Variants in SHPRH observed in about 807,000 individuals in gnomAD.
The protein encoded by SHPRH is E3 ubiquitin-protein ligase SHPRH.
In SHPRH, 106 loss-of-function variants were observed where a neutral mutation model predicts 202.5. The ratio of observed to expected loss-of-function variants is 0.52; its 90% CI spans 0.45 to 0.62. The LOEUF (loss-of-function observed/expected upper bound fraction) is 0.62, where lower values mean the gene tolerates loss of function less well. SHPRH is among the 20% of genes least tolerant of loss of function. SHPRH has a pLI of 0.00. For missense variants in SHPRH, 1,710 were observed against 2,020.0 expected, an observed-to-expected ratio of 0.85 and a Z score of 2.94; for synonymous variants, 729 against 686.0, an observed-to-expected ratio of 1.06 and a Z score of -0.98.
chr6:145,924,308 C>G (rs1784682405), intron 17 of SHPRH, among the ~76,000 whole-genome samples: 1 of 151,860 alleles, frequency 6.6e-6, no homozygotes, highest in Non-Finnish European at 1.5e-5. Flanking sequence ...TTTGTGTAAC[C>G]TCTTTAGATT....
intron 20 of SHPRH, among the ~76,000 whole-genome samples, chr6:145,921,598 A>T (rs1784435205): frequency 6.6e-6 from 1 of 151,848 alleles, no homozygotes; most frequent in Admixed American, 6.6e-5. Flanking sequence ...CTACTGATTC[A>T]TTTGCCATAA....
At chr6:145,937,036 G>A (rs1446306535) in intron 11 of SHPRH, among the ~76,000 whole-genome samples, 1 of 148,146 alleles carries the variant, frequency 6.8e-6, no homozygotes, top group Non-Finnish European at 1.5e-5. Context: ...CAGGCTGGAG[G>A]GCAACGGTGC....
In SHPRH at chr6:145,934,507, T is replaced by TA. The variant is rs1554239367; in HGVS notation, c.2990+399dup. Among the ~76,000 whole-genome samples, 7 of 150,220 alleles carry TA rather than the reference T, an allele frequency of 4.7e-5. No homozygotes were observed. In the East Asian group the frequency reaches 5.9e-4, roughly 13 times the overall value. The stretch of plus-strand genomic sequence containing the variant: ...TAAAATAAAATAAAATAAAATAAAA[T>TA]AAAAAGTAGCTGGCTGTAGCAGTGT... On this transcript the variant is annotated intron_variant, in intron 13 of 29. Coordinates refer to ENST00000275233, the MANE Select transcript of SHPRH (RefSeq NM_001042683.3).
chr6:145,884,794 A>G (rs879375911), downstream of SHPRH: 1 of 152,158 alleles, frequency 6.6e-6, no homozygotes, highest in African/African-American at 2.4e-5. Context: ...TCAGAAATCA[A>G]AGAATTCCAC....
intron 4 of SHPRH, among the ~76,000 whole-genome samples, chr6:145,949,208 G>A (rs1316597642): frequency 1.2e-4 from 18 of 151,840 alleles, no homozygotes; most frequent in Admixed American, 1.2e-3. Flanking sequence ...AACACTACTG[G>A]GTATCTACCC....
chr6:145,868,560 C>A (rs546982713), intron 2 of SHPRH, among the ~76,000 whole-genome samples: 1 of 152,060 alleles, frequency 6.6e-6, no homozygotes, highest in Non-Finnish European at 1.5e-5. Flanking sequence ...GTTTTCAGTC[C>A]GGCTAAGATG....
At chr6:145,875,265 C>T (rs950150435) in intron 2 of SHPRH, among the ~76,000 whole-genome samples, 2 of 152,156 alleles carry the variant, frequency 1.3e-5, no homozygotes, top group Non-Finnish European at 2.9e-5. Context: ...GTTGTCAAAG[C>T]TTGGGGGTGG....
chr6:145,941,943 T>G lies in SHPRH; in HGVS notation c.2239-69A>C. On this transcript the variant is annotated intron_variant, in intron 9 of 29. Coordinates refer to ENST00000275233, the MANE Select transcript of SHPRH (RefSeq NM_001042683.3). ...TAAAGGCAATGAAATATTCACTCAT[T>G]TATACCCTTACTAAGTCCTCTCTAT... The G allele has an allele frequency of 1.3e-6, 2 of 1,554,308 alleles. 1 individual carries two copies. The highest frequency in any genetic ancestry group is 2.4e-5 in the South Asian group (2 of 82,260).
intron 27 of SHPRH, 88 bp downstream of exon 27, chr6:145,894,062 G>A (rs1562291426): frequency 4.4e-6 from 4 of 904,386 alleles, no homozygotes; most frequent in Non-Finnish European, 6.5e-6. Context: ...TATATGGCAT[G>A]AGACAATAAA....
intron 21 of SHPRH, among the ~76,000 whole-genome samples, chr6:145,920,491 ACTAT>A (rs1270092042): frequency 1.3e-5 from 2 of 152,048 alleles, no homozygotes; most frequent in Admixed American, 6.6e-5. Context: ...AGTACAAATA[ACTAT>A]CTCTCTGCAT....
intron 11 of SHPRH, 31 bp from the exon 12 acceptor site, chr6:145,935,472 TAA>T: frequency 6.2e-7 from 1 of 1,606,696 alleles, no homozygotes. Flanking sequence ...ACATTGAGGA[TAA>T]CTCTATTACT....
At position 145,913,353 on chromosome 6, in the gene SHPRH, A is replaced by G. The variant is rs567652502; in HGVS notation, c.4326+125T>C. 22 of 793,844 alleles carry G rather than the reference A, an allele frequency of 2.8e-5. 1 individual carries two copies. In the East Asian group the frequency reaches 3.4e-4, roughly 12 times the overall value. The allele number at this position is 793,844 out of a possible 1,614,324, so 49.2% of individuals were successfully genotyped here. On this transcript the variant is annotated intron_variant, in intron 24 of 29. Coordinates refer to ENST00000275233, the MANE Select transcript of SHPRH (RefSeq NM_001042683.3). ...CCTAACCTCTAGTGCTATCTTTAAG[A>G]TAATGGTAATACTTGCCTTTCATAG... is the stretch of plus-strand genomic sequence containing the variant.
intron 2 of SHPRH, among the ~76,000 whole-genome samples, chr6:145,953,156 C>T (rs751711110): frequency 1.3e-5 from 2 of 152,020 alleles, no homozygotes; most frequent in African/African-American, 2.4e-5. Context: ...AATGTTAATT[C>T]CCTTTACTTC....
chr6:145,866,828 T>C (rs1025537336), intron 2 of SHPRH, among the ~76,000 whole-genome samples: 1 of 152,182 alleles, frequency 6.6e-6, no homozygotes, highest in Non-Finnish European at 1.5e-5. Flanking sequence ...AAAAGTGTTT[T>C]CTCCACACAA....
chr6:145,916,701 CTT>C (rs1562316512), intron 23 of SHPRH, among the ~76,000 whole-genome samples: 1 of 151,932 alleles, frequency 6.6e-6, no homozygotes, highest in African/African-American at 2.4e-5. Context: ...AGATAACTGT[CTT>C]TTTATTTTGA....
At chr6:145,921,454 A>G (rs1175775999) in intron 20 of SHPRH, 62 bp from the exon 21 acceptor site, 54 of 1,457,406 alleles carry the variant, frequency 3.7e-5, no homozygotes, top group Non-Finnish European at 4.8e-5. Context: ...GCAACCTTCA[A>G]TGTGAGTTCT....
chr6:145,900,564 A>G (rs1293278512), intron 25 of SHPRH, among the ~76,000 whole-genome samples: 1 of 152,090 alleles, frequency 6.6e-6, no homozygotes, highest in Non-Finnish European at 1.5e-5. Flanking sequence ...AACAGATCTA[A>G]AGATCTATTA....
intron 16 of SHPRH, 48 bp from the exon 17 acceptor site, chr6:145,924,894 A>G (rs766987207): frequency 1.4e-6 from 2 of 1,452,348 alleles, no homozygotes; most frequent in Non-Finnish European, 1.9e-6. Context: ...TCTAGAATAT[A>G]ATTCAGTATG....
At chr6:145,946,950 T>A (rs924672209) in intron 6 of SHPRH, among the ~76,000 whole-genome samples, 6 of 152,014 alleles carry the variant, frequency 3.9e-5, no homozygotes, top group African/African-American at 1.4e-4. Flanking sequence ...ATGAGCTATA[T>A]ACTATATTTG....
Sources: allele counts gnomAD v4.1 joint callset (sites outside exome capture counted in the v4.1 genomes callset), GRCh38; gene constraint gnomAD v4.1.1; transcripts MANE v1.5; gene names NCBI Gene and HGNC (gene_info 2026-07-23, HGNC 2026-07-21).